The following CIMAP1B variants were observed in gnomAD, a reference collection of about 807,000 sequenced individuals.
CIMAP1B encodes the protein ciliary microtubule associated protein 1B.
chr22:50,531,222 G>T, the CIMAP1B span: 1 of 1,613,066 alleles, frequency 6.2e-7, no homozygotes, highest in South Asian at 1.1e-5. Context: ...GGACACCCCA[G>T]TTTCGGGGAG....
the CIMAP1B span, chr22:50,531,512 G>T: frequency 7.3e-7 from 1 of 1,374,930 alleles, no homozygotes; most frequent in Non-Finnish European, 9.5e-7. Context: ...GGGTTCCCAG[G>T]TGGGCCTCCC....
At chr22:50,530,925 C>T in the CIMAP1B span, 1 of 1,610,290 alleles carries the variant, frequency 6.2e-7, no homozygotes, top group Non-Finnish European at 8.5e-7. Context: ...TCCGCCCCGG[C>T]CCCTCCCCCA....
At chr22:50,531,504 G>A in the CIMAP1B span, 1 of 1,356,856 alleles carries the variant, frequency 7.4e-7, no homozygotes, top group Non-Finnish European at 9.6e-7. Context: ...CAGGTCGGGG[G>A]TTCCCAGGTG....
chr22:50,531,645 C>G, the CIMAP1B span: 4 of 1,378,208 alleles, frequency 2.9e-6, no homozygotes, highest in Non-Finnish European at 3.7e-6. Context: ...CCGTCGGTGC[C>G]GCGCACGGTC....
chr22:50,531,367 T>C, the CIMAP1B span: 3 of 1,269,598 alleles, frequency 2.4e-6, no homozygotes, highest in Non-Finnish European at 3.3e-6. Context: ...GATGGGGTCC[T>C]GGGACTAGTG....
chr22:50,530,996 G>A, the CIMAP1B span: 1 of 1,611,236 alleles, frequency 6.2e-7, no homozygotes, highest in Non-Finnish European at 8.5e-7. Context: ...GAGCAAGTTG[G>A]GGCGGAGACT....
At chr22:50,531,301 G>A in the CIMAP1B span, 3 of 1,605,856 alleles carry the variant, frequency 1.9e-6, no homozygotes, top group South Asian at 2.2e-5. Context: ...CCTGCCTGCG[G>A]GGCGGATCAA....
At chr22:50,531,067 G>T in the CIMAP1B span, 7 of 1,607,572 alleles carry the variant, frequency 4.4e-6, no homozygotes, top group East Asian at 1.6e-4. Context: ...ACCTGGGGAG[G>T]AGGCAGGGCT....
At chr22:50,531,204 T>C in the CIMAP1B span, 2 of 1,612,840 alleles carry the variant, frequency 1.2e-6, no homozygotes, top group East Asian at 2.2e-5. Context: ...GGCTCTGCTG[T>C]TCCGCCTGGA....
the CIMAP1B span, chr22:50,531,027 C>A: frequency 3.7e-6 from 6 of 1,610,300 alleles, no homozygotes; most frequent in South Asian, 6.6e-5. Flanking sequence ...CGCGCGGACC[C>A]AAGAGCGAGG....
the CIMAP1B span, chr22:50,530,771 T>G: frequency 6.2e-7 from 1 of 1,608,456 alleles, no homozygotes; most frequent in Non-Finnish European, 8.5e-7. Context: ...GGGAGCGAAG[T>G]CCGCGCCAGA....
chr22:50,531,963 T>C, the CIMAP1B span: 1 of 1,328,760 alleles, frequency 7.5e-7, no homozygotes, highest in Non-Finnish European at 9.7e-7. Context: ...GGCCTGCCCC[T>C]TCTACCGGTG....
At chr22:50,530,755 T>C in the CIMAP1B span, 1 of 1,609,696 alleles carries the variant, frequency 6.2e-7, no homozygotes, top group Non-Finnish European at 8.5e-7. Flanking sequence ...CCGAGTGTTG[T>C]CTTGGGGGAG....
the CIMAP1B span, chr22:50,532,210 TGGACCGTATCCC>T: frequency 1.7e-6 from 2 of 1,183,824 alleles, no homozygotes; most frequent in Non-Finnish European, 2.1e-6. Flanking sequence ...GGGCGGGGCC[TGGACCGTATCCC>T]TGGCGCCAGC....
the CIMAP1B span, chr22:50,531,720 C>T: frequency 2.0e-5 from 27 of 1,367,068 alleles, no homozygotes; most frequent in Middle Eastern, 2.6e-4. Context: ...GGGAAGCGCG[C>T]GCCGAAGGTG....
chr22:50,530,951 C>T, the CIMAP1B span: 4 of 1,611,122 alleles, frequency 2.5e-6, no homozygotes, highest in East Asian at 4.5e-5. Context: ...CTGAGGTCCT[C>T]GAAGAAACTG....
the CIMAP1B span, chr22:50,531,887 G>C: frequency 6.1e-6 from 8 of 1,310,536 alleles, no homozygotes; most frequent in African/African-American, 1.1e-4. Flanking sequence ...GTTCAGCCCC[G>C]AGCGCAGGCC....
At chr22:50,531,921 C>T in the CIMAP1B span, 73 of 1,311,860 alleles carry the variant, frequency 5.6e-5, no homozygotes, top group Non-Finnish European at 6.9e-5. Context: ...CCCCTTCCCT[C>T]CCCCAGGCGC....
the CIMAP1B span, chr22:50,531,339 A>G: frequency 6.8e-7 from 1 of 1,470,294 alleles, no homozygotes; most frequent in Non-Finnish European, 9.3e-7. Context: ...ACTGCGTGGG[A>G]GCCTGGTGGG....
Sources: gnomAD v4.1 joint callset for allele counts on GRCh38, gnomAD v4.1.1 for gene constraint, MANE v1.5 for transcripts, NCBI Gene and HGNC (gene_info 2026-07-23, HGNC 2026-07-21) for gene names.